ASB3: variants seen among roughly 807,000 people sequenced by gnomAD.
ASB3 encodes the protein ankyrin repeat and SOCS box containing 3, also known as ankyrin repeat and SOCS box protein 3.
Under a neutral mutation model 54.5 loss-of-function variants are expected in ASB3, and 41 were observed. That is an observed-to-expected ratio of 0.75 (90% CI 0.59 to 0.98). The LOEUF (loss-of-function observed/expected upper bound fraction) is 0.98, where lower values mean the gene tolerates loss of function less well. ASB3 is among the 50% of genes least tolerant of loss of function. The pLI, the probability that ASB3 is intolerant of heterozygous loss-of-function variation, is 0.00. For missense variants in ASB3, 733 were observed against 620.0 expected (o/e 1.18, Z -1.94); for synonymous variants, 266 against 221.2 (o/e 1.20, Z -1.80).
chr2:53,689,728 A>G (rs1668809667), intron 9 of ASB3, among the ~76,000 whole-genome samples: 1 of 152,168 alleles, frequency 6.6e-6, no homozygotes, highest in African/African-American at 2.4e-5. Context: ...TGCTTAGCCC[A>G]CCATATTTAG....
intron 9 of ASB3, among the ~76,000 whole-genome samples, chr2:53,671,477 A>G (rs1021728119): frequency 6.6e-6 from 1 of 152,014 alleles, no homozygotes; most frequent in Non-Finnish European, 1.5e-5. Context: ...ACTGTATGAT[A>G]GGCCAGGCGC....
intron 9 of ASB3, 141 bp from the exon 10 acceptor site, chr2:53,670,831 AC>A: frequency 1.1e-6 from 1 of 940,808 alleles, no homozygotes; most frequent in Non-Finnish European, 1.6e-6. Context: ...AGTCAGTATG[AC>A]CACAATAAAC....
intron 1 of ASB3, chr2:53,774,591 AG>A: frequency 8.2e-7 from 1 of 1,219,416 alleles, no homozygotes; most frequent in Non-Finnish European, 1.1e-6. Context: ...GTTTACTTAA[AG>A]ATCTTATTTT....
At chr2:53,780,405 C>T (rs1424135439) in intron 1 of ASB3, among the ~76,000 whole-genome samples, 1 of 151,992 alleles carries the variant, frequency 6.6e-6, no homozygotes, top group Admixed American at 6.6e-5. Context: ...AGATAGTCCC[C>T]GGCTATCAAG....
chr2:53,752,658 T>A (rs1672583373), intron 2 of ASB3, among the ~76,000 whole-genome samples: 1 of 152,242 alleles, frequency 6.6e-6, no homozygotes, highest in South Asian at 2.1e-4. Context: ...GGCTGTCTCC[T>A]CTCTCTATCA....
chr2:53,711,937 G>C (rs987806379), intron 7 of ASB3, among the ~76,000 whole-genome samples: 1 of 152,132 alleles, frequency 6.6e-6, no homozygotes, highest in Admixed American at 6.6e-5. Context: ...GAGAGAAAGA[G>C]AGAGGCTGTA....
Position 53,728,284 on chromosome 2 carries a change from G to A in ASB3, c.604+428C>T, listed in dbSNP as rs532427432. 3.3e-5 allele frequency among the ~76,000 whole-genome samples: 5 copies of A among 152,262 alleles called. No individual in the cohort carries two copies. In the East Asian group the frequency reaches 9.6e-4, roughly 29 times the overall value. On this transcript the variant is annotated intron_variant, in intron 5 of 9. Coordinates refer to ENST00000263634, the MANE Select transcript of ASB3 (RefSeq NM_016115.5). Reference sequence around the variant, plus strand: ...TATGTTACTATTAACATAACAAAGTGTAAACCTGCTTTGAAATAAACCTAT... The same window carrying A: ...TATGTTACTATTAACATAACAAAGTATAAACCTGCTTTGAAATAAACCTAT...
intron 7 of ASB3, among the ~76,000 whole-genome samples, chr2:53,709,900 T>C (rs2103812504): frequency 6.6e-6 from 1 of 152,260 alleles, no homozygotes; most frequent in East Asian, 1.9e-4. Flanking sequence ...GACCTCTTCC[T>C]CTGAGGGAAT....
chr2:53,679,595 T>C (rs2103656273), intron 9 of ASB3, among the ~76,000 whole-genome samples: 1 of 152,308 alleles, frequency 6.6e-6, no homozygotes, highest in South Asian at 2.1e-4. Flanking sequence ...TTGATGTCGT[T>C]TTATAAACTG....
At chr2:53,678,979 CT>C (rs1160962060) in intron 9 of ASB3, among the ~76,000 whole-genome samples, 140 of 152,212 alleles carry the variant, frequency 9.2e-4, no homozygotes, top group African/African-American at 3.2e-3. Context: ...TTTGCTCTCC[CT>C]TATTGCCACA....
intron 1 of ASB3, among the ~76,000 whole-genome samples, chr2:53,769,664 T>C (rs1247379300): frequency 6.6e-6 from 1 of 152,160 alleles, no homozygotes; most frequent in South Asian, 2.1e-4. Flanking sequence ...CTGACCAACA[T>C]GGAGAAACCC....
chr2:53,671,711 A>C (rs1347441858), intron 9 of ASB3, among the ~76,000 whole-genome samples: 2 of 113,862 alleles, frequency 1.8e-5, no homozygotes, highest in Admixed American at 7.5e-5. Flanking sequence ...GTGAGCCGAG[A>C]TCATGCCACT....
intron 1 of ASB3, among the ~76,000 whole-genome samples, chr2:53,765,848 G>A (rs560222421): frequency 2.6e-5 from 4 of 152,190 alleles, no homozygotes; most frequent in Admixed American, 2.0e-4. Flanking sequence ...TCCTCCTCTG[G>A]AAATGTTTGA....
intron 1 of ASB3, among the ~76,000 whole-genome samples, chr2:53,785,936 G>A (rs953699012): frequency 3.3e-5 from 5 of 152,164 alleles, no homozygotes; most frequent in African/African-American, 1.2e-4. Flanking sequence ...CAATTCTGAA[G>A]AAAGTTATCT....
Position 53,744,353 on chromosome 2 carries a change from C to T in ASB3, c.355+6430G>A. Among the ~76,000 whole-genome samples the T allele has an allele frequency of 1.3e-5, 2 of 148,298 alleles. 1 individual carries two copies. Among genetic ancestry groups the T allele is most frequent in the Non-Finnish European group, 3.0e-5 (2 of 67,576 alleles). ...GAGCCGAGATAGTGCCACTGCACTCCAGCCTGGGCAGACAGAGCGAGACTC... is the reference window on the plus strand; with the variant it reads ...GAGCCGAGATAGTGCCACTGCACTCTAGCCTGGGCAGACAGAGCGAGACTC... On this transcript the variant is annotated intron_variant, in intron 3 of 9. Coordinates refer to ENST00000263634, the MANE Select transcript of ASB3 (RefSeq NM_016115.5).
At chr2:53,685,305 T>G (rs973017702) in intron 9 of ASB3, among the ~76,000 whole-genome samples, 3 of 152,296 alleles carry the variant, frequency 2.0e-5, no homozygotes, top group South Asian at 4.1e-4. Flanking sequence ...ATAAGAAGAA[T>G]GGATTTGGAG....
At chr2:53,695,775 T>C (rs116156604) in intron 8 of ASB3, among the ~76,000 whole-genome samples, 65 of 152,304 alleles carry the variant, frequency 4.3e-4, no homozygotes, top group African/African-American at 1.6e-3. Context: ...TATGTTCTAT[T>C]ATCCCATTAA....
chr2:53,763,412 G>A (rs1328188794), intron 2 of ASB3: 1 of 169,318 alleles, frequency 5.9e-6, no homozygotes, highest in Non-Finnish European at 1.5e-5. Context: ...TGCACCTGCA[G>A]ATTCAACCAA....
intron 1 of ASB3, chr2:53,767,689 C>T (rs1573000578): frequency 1.6e-6 from 1 of 631,204 alleles, no homozygotes; most frequent in South Asian, 2.0e-5. Flanking sequence ...ACACCCTAAT[C>T]AAGGAAATAA....
Sources: allele counts gnomAD v4.1 joint callset (sites outside exome capture counted in the v4.1 genomes callset), GRCh38; gene constraint gnomAD v4.1.1; transcripts MANE v1.5; gene names NCBI Gene and HGNC (gene_info 2026-07-23, HGNC 2026-07-21).